WDR47: variants seen among roughly 807,000 people sequenced by gnomAD.
The protein encoded by WDR47 is WD repeat-containing protein 47.
In WDR47, 32 loss-of-function variants were observed where a neutral mutation model predicts 97.2. That is an observed-to-expected ratio of 0.33 (90% CI 0.25 to 0.44). The LOEUF (loss-of-function observed/expected upper bound fraction) is 0.44, where lower values mean the gene tolerates loss of function less well. Among genes scored for constraint, WDR47 ranks in the 20% least tolerant of loss-of-function variants. The pLI, the probability that WDR47 is intolerant of heterozygous loss-of-function variation, is 1.00. For synonymous variants in WDR47, 375 were observed against 373.5 expected (o/e 1.00, Z -0.05); for missense variants, 782 against 1,102.3 (o/e 0.71, Z 4.11).
intron 10 of WDR47, among the ~76,000 whole-genome samples, chr1:108,986,209 G>C (rs938019099): frequency 6.6e-6 from 1 of 151,996 alleles, no homozygotes; most frequent in Admixed American, 6.6e-5. Context: ...TTGCAAATAA[G>C]GGGGGTCTAC....
In WDR47 at chr1:109,011,134, T is replaced by G. The variant is rs1480451669; in HGVS notation, c.912A>C (p.Ser304=). 6.2e-7 allele frequency: 1 copy of G among 1,614,160 alleles called. No individual in the cohort carries two copies. Residue 304 remains serine, a synonymous_variant, in exon 5 of 15, where the codon TCA becomes TCC. Coordinates refer to ENST00000369962, the MANE Select transcript of WDR47 (RefSeq NM_001142551.2). ...GAGAGCGGGTCATATAGGCATCAGC[T>G]GATTGAGGTCTTCTCATTGGGGATG... ...YPSSPMRRPQ[S]ADAYMTRSLN...
Position 109,010,835 on chromosome 1 carries a change from G to A in WDR47, c.1130+81C>T, listed in dbSNP as rs925297690. 106 of 1,363,538 alleles carry A rather than the reference G, an allele frequency of 7.8e-5. 3 individuals carry two copies. The South Asian group carries it at 1.3e-3, about 17-fold the overall frequency. 84.5% of individuals were successfully genotyped at this position (1,363,538 alleles called of 1,614,324 possible). A position where few individuals can be genotyped will look rare whatever the true frequency, so the allele number is the denominator to read the frequency against. On this transcript the variant is annotated intron_variant, in intron 5 of 14. Coordinates refer to ENST00000369962, the MANE Select transcript of WDR47 (RefSeq NM_001142551.2). ...CTGACCTTGTGATCCACCCACCTCG[G>A]CCTCCCAAAGTGCTGGGATTACAGG... is the stretch of plus-strand genomic sequence containing the variant.
At chr1:108,982,531 G>C (rs1658426486) in intron 12 of WDR47, 78 bp downstream of exon 12, 1 of 1,498,404 alleles carries the variant, frequency 6.7e-7, no homozygotes, top group Non-Finnish European at 8.9e-7. Flanking sequence ...CTGTCTCTTA[G>C]AAAAGAAAAT....
chr1:109,040,035 C>CA (rs71281820), intron 1 of WDR47, among the ~76,000 whole-genome samples: 8,198 of 48,906 alleles, frequency 0.17, 500 homozygotes, highest in Middle Eastern at 0.28. Context: ...GACTCCGTCT[C>CA]AAAAAAAAAA....
intron 5 of WDR47, among the ~76,000 whole-genome samples, chr1:109,004,990 C>T (rs1216301370): frequency 6.6e-6 from 1 of 152,030 alleles, no homozygotes; most frequent in African/African-American, 2.4e-5. Context: ...CGGAGTTTCA[C>T]CATGTTAGCC....
At chr1:109,036,615 T>C (rs1662968687) in intron 1 of WDR47, among the ~76,000 whole-genome samples, 1 of 149,444 alleles carries the variant, frequency 6.7e-6, no homozygotes, top group Non-Finnish European at 1.5e-5. Flanking sequence ...GGCAAGCGGA[T>C]CACGGGGTCA....
At chr1:109,002,554 T>A (rs975212844) in intron 6 of WDR47, 152 bp from the exon 7 acceptor site, 2 of 677,126 alleles carry the variant, frequency 3.0e-6, no homozygotes, top group Non-Finnish European at 4.6e-6. Flanking sequence ...AAAAACAGTA[T>A]GTGTCTTAAT....
intron 7 of WDR47, 84 bp downstream of exon 7, chr1:109,002,140 C>T: frequency 7.1e-7 from 1 of 1,402,176 alleles, no homozygotes. Context: ...AAATGTCAAA[C>T]TATACATAGA....
intron 1 of WDR47, among the ~76,000 whole-genome samples, chr1:109,025,473 C>T (rs1662146538): frequency 6.8e-6 from 1 of 146,474 alleles, no homozygotes; most frequent in South Asian, 2.1e-4. Context: ...CAGTGGCTCA[C>T]ACCTGTAATC....
chr1:109,007,038 A>G (rs1014588198), intron 5 of WDR47, among the ~76,000 whole-genome samples: 1 of 151,966 alleles, frequency 6.6e-6, no homozygotes, highest in African/African-American at 2.4e-5. Flanking sequence ...CCTGGGCTCA[A>G]TTGATCCTCC....
intron 13 of WDR47, among the ~76,000 whole-genome samples, chr1:108,977,337 A>G (rs1437156853): frequency 6.6e-6 from 1 of 151,884 alleles, no homozygotes; most frequent in Non-Finnish European, 1.5e-5. Context: ...TATTTTTAGT[A>G]AAGGCAGGGT....
intron 9 of WDR47, among the ~76,000 whole-genome samples, chr1:108,988,804 C>T (rs1264912866): frequency 2.6e-5 from 4 of 151,926 alleles, no homozygotes; most frequent in Admixed American, 6.6e-5. Context: ...ACTGCTCAGG[C>T]TGGAGTGCGG....
chr1:108,974,889 CA>C (rs1403104106), intron 13 of WDR47, 135 bp from the exon 14 acceptor site: 24 of 744,056 alleles, frequency 3.2e-5, no homozygotes, highest in Non-Finnish European at 5.1e-5. Context: ...TGAAAAAATC[CA>C]AATTAACAGT....
intron 3 of WDR47, among the ~76,000 whole-genome samples, chr1:109,014,182 A>G (rs572346333): frequency 1.8e-4 from 28 of 152,254 alleles, no homozygotes; most frequent in Admixed American, 3.3e-4. Flanking sequence ...CTAATATTAA[A>G]TCAAGTCTTA....
chr1:109,014,883 T>C (rs1288176463), intron 3 of WDR47, among the ~76,000 whole-genome samples: 1 of 152,166 alleles, frequency 6.6e-6, no homozygotes, highest in East Asian at 1.9e-4. Context: ...ATAATGAACC[T>C]TCAGTCATTC....
At chr1:108,977,894 G>A (rs897417741) in intron 13 of WDR47, among the ~76,000 whole-genome samples, 1 of 150,412 alleles carries the variant, frequency 6.6e-6, no homozygotes, top group African/African-American at 2.5e-5. Context: ...TGAGGCAGGA[G>A]AATCACTTGA....
At chr1:108,987,110 A>T in intron 9 of WDR47, 1 of 193,934 alleles carries the variant, frequency 5.2e-6, no homozygotes, top group South Asian at 1.2e-4. Context: ...GCTTCATTAC[A>T]GCCCCATAGA....
At chr1:109,030,043 T>C (rs1267223071) in intron 1 of WDR47, 1 of 464,718 alleles carries the variant, frequency 2.2e-6, no homozygotes, top group Non-Finnish European at 3.7e-6. Flanking sequence ...TTTCTGGCAG[T>C]GACGACCTAC....
Position 108,971,348 on chromosome 1 carries a change from T to G in WDR47, c.*82A>C, listed in dbSNP as rs1159135632. On this transcript the variant is annotated 3_prime_UTR_variant, in exon 15 of 15. Coordinates refer to ENST00000369962, the MANE Select transcript of WDR47 (RefSeq NM_001142551.2). ...TGCTAAACCACTTTCCTGGACACTA[T>G]GTTCTTCAGATTTGTAATTTTCACA... is the stretch of plus-strand genomic sequence containing the variant. 6.4e-7 allele frequency: 1 copy of G among 1,573,962 alleles called. No homozygotes were observed. The highest frequency in any genetic ancestry group is 2.2e-5 in the East Asian group (1 of 44,502).
Sources: gnomAD v4.1 joint callset for allele counts (sites outside exome capture counted in the v4.1 genomes callset) on GRCh38, gnomAD v4.1.1 for gene constraint, MANE v1.5 for transcripts, NCBI Gene and HGNC (gene_info 2026-07-23, HGNC 2026-07-21) for gene names.